VWA3B: variants seen among roughly 807,000 people sequenced by gnomAD.
VWA3B encodes the protein von Willebrand factor A domain containing 3B.
A neutral mutation model predicts 158.3 loss-of-function variants in VWA3B; 138 were observed. That is an observed-to-expected ratio of 0.87 (90% CI 0.76 to 1.00). The LOEUF (loss-of-function observed/expected upper bound fraction) is 1.00, where lower values mean the gene tolerates loss of function less well. Among genes scored for constraint, VWA3B ranks in the 50% least tolerant of loss-of-function variants. The pLI is 0.00. For missense variants in VWA3B, 1,555 were observed against 1,565.1 expected (o/e 0.99, Z 0.11); for synonymous variants, 596 against 587.3 (o/e 1.01, Z -0.21).
chr2:98,186,371 C>T (rs1282176696), intron 9 of VWA3B, among the ~76,000 whole-genome samples: 4 of 151,892 alleles, frequency 2.6e-5, no homozygotes, highest in African/African-American at 7.3e-5. Context: ...CTGTGCATGC[C>T]GGCCGGCGCC....
In VWA3B at chr2:98,193,042, A is replaced by G. The variant is rs765370152; in HGVS notation, c.1605+6A>G. ...AGATCATTCAGTTCATACAGGTTAG[A>G]TGGAACTGTCGGTTCATGCATTTGG... On this transcript the variant is annotated splice_donor_region_variant and intron_variant, in intron 11 of 27. Transcript: ENST00000477737. 2 of 1,607,662 alleles carry G rather than the reference A, an allele frequency of 1.2e-6. No individual in the cohort carries two copies. Among genetic ancestry groups the G allele is most frequent in the South Asian group, 2.2e-5 (2 of 89,966 alleles).
At chr2:98,325,807 A>G in the VWA3B span, among the ~76,000 whole-genome samples, 1 of 152,212 alleles carries the variant, frequency 6.6e-6, no homozygotes, top group East Asian at 1.9e-4. Flanking sequence ...CACTTCCTAG[A>G]ACAAGTAGAC....
chr2:98,222,915 C>T (rs1265343568), intron 14 of VWA3B, among the ~76,000 whole-genome samples: 1 of 152,086 alleles, frequency 6.6e-6, no homozygotes, highest in Non-Finnish European at 1.5e-5. Context: ...ATAGGAAATA[C>T]CTAGGATCCA....
chr2:98,201,613 G>C (rs1206049061), intron 12 of VWA3B, among the ~76,000 whole-genome samples: 4 of 151,732 alleles, frequency 2.6e-5, no homozygotes, highest in African/African-American at 9.7e-5. Flanking sequence ...TTTGCTAGCT[G>C]TGAGGTTTTT....
downstream of VWA3B, among the ~76,000 whole-genome samples, chr2:98,314,403 G>A (rs1296296869): frequency 2.0e-5 from 3 of 152,210 alleles, no homozygotes; most frequent in Non-Finnish European, 2.9e-5. Context: ...ACAGGGCTGG[G>A]AATATTTCCT....
At chr2:98,277,675 C>T (rs1688605486) in intron 22 of VWA3B, among the ~76,000 whole-genome samples, 1 of 152,156 alleles carries the variant, frequency 6.6e-6, no homozygotes, top group African/African-American at 2.4e-5. Context: ...GAATTGAGTG[C>T]TCTGCTCCGG....
chr2:98,110,579 T>G (rs1674063617), intron 2 of VWA3B, among the ~76,000 whole-genome samples: 1 of 152,230 alleles, frequency 6.6e-6, no homozygotes, highest in African/African-American at 2.4e-5. Context: ...AACTGGGACA[T>G]TTCCCAAATT....
the VWA3B span, among the ~76,000 whole-genome samples, chr2:98,322,719 A>G: frequency 6.6e-6 from 1 of 152,194 alleles, no homozygotes; most frequent in Non-Finnish European, 1.5e-5. Context: ...AAGTCTAGAA[A>G]AACAGATGGA....
intron 7 of VWA3B, among the ~76,000 whole-genome samples, chr2:98,141,146 A>G (rs1676749934): frequency 1.3e-5 from 2 of 152,202 alleles, no homozygotes; most frequent in South Asian, 4.1e-4. Context: ...GCAGGGTTTC[A>G]TGTGGTGCTG....
chr2:98,327,431 A>G, the VWA3B span, among the ~76,000 whole-genome samples: 1 of 152,268 alleles, frequency 6.6e-6, no homozygotes, highest in Non-Finnish European at 1.5e-5. Flanking sequence ...GCAAATTAGT[A>G]TATAAGCAAA....
At chr2:98,282,402 T>C (rs941689313) in intron 22 of VWA3B, among the ~76,000 whole-genome samples, 1 of 151,972 alleles carries the variant, frequency 6.6e-6, no homozygotes, top group African/African-American at 2.4e-5. Flanking sequence ...GTAATAACAG[T>C]TGGAAACAAA....
At chr2:98,123,311 G>T (rs1675108942) in intron 5 of VWA3B, among the ~76,000 whole-genome samples, 1 of 152,238 alleles carries the variant, frequency 6.6e-6, no homozygotes, top group African/African-American at 2.4e-5. Context: ...AGCGGGTGCT[G>T]AGAGGAGCCA....
intron 22 of VWA3B, among the ~76,000 whole-genome samples, chr2:98,286,386 T>A (rs1386243484): frequency 1.3e-5 from 2 of 152,166 alleles, no homozygotes; most frequent in African/African-American, 2.4e-5. Flanking sequence ...TTAGGTATCA[T>A]GTTTACTGTA....
chr2:98,106,002 G>A (rs533817833), intron 2 of VWA3B, among the ~76,000 whole-genome samples: 67 of 151,946 alleles, frequency 4.4e-4, no homozygotes, highest in Admixed American at 1.1e-3. Flanking sequence ...TGCAAGATCC[G>A]CCTCCCAGGT....
intron 4 of VWA3B, 109 bp downstream of exon 4, chr2:98,119,872 G>A: frequency 1.5e-6 from 2 of 1,357,490 alleles, no homozygotes; most frequent in Non-Finnish European, 2.0e-6. Context: ...GAGGGAAGAG[G>A]CATTATCTTA....
At chr2:98,157,148 C>T (rs759154710) in intron 7 of VWA3B, among the ~76,000 whole-genome samples, 10 of 152,202 alleles carry the variant, frequency 6.6e-5, no homozygotes, top group Admixed American at 1.3e-4. Context: ...GTGCCACATT[C>T]ACGTATTAGA....
At chr2:98,320,012 G>A in the VWA3B span, among the ~76,000 whole-genome samples, 5,994 of 152,148 alleles carry the variant, frequency 0.039, 169 homozygotes, top group Middle Eastern at 0.075. Context: ...TTAAGATCTC[G>A]ATATGGTTTG....
At chr2:98,118,401 G>T (rs1038892704) in intron 3 of VWA3B, among the ~76,000 whole-genome samples, 1 of 152,150 alleles carries the variant, frequency 6.6e-6, no homozygotes, top group African/African-American at 2.4e-5. Context: ...AGGTGATGTG[G>T]TCTGAAAGCA....
intron 9 of VWA3B, among the ~76,000 whole-genome samples, chr2:98,184,715 C>G (rs956997345): frequency 6.6e-6 from 1 of 152,252 alleles, no homozygotes; most frequent in African/African-American, 2.4e-5. Flanking sequence ...GGGCTCCTCT[C>G]TGAGAAGCCC....
Sources: allele counts gnomAD v4.1 joint callset (sites outside exome capture counted in the v4.1 genomes callset), GRCh38; gene constraint gnomAD v4.1.1; transcripts MANE v1.5; gene names NCBI Gene and HGNC (gene_info 2026-07-23, HGNC 2026-07-21).